NFIA: variants seen among roughly 807,000 people sequenced by gnomAD.
The protein encoded by NFIA is nuclear factor 1 A-type.
A neutral mutation model predicts 62.8 loss-of-function variants in NFIA; 8 were observed. The ratio of observed to expected loss-of-function variants is 0.13; its 90% confidence interval spans 0.07 to 0.23. The LOEUF is 0.23. Among genes scored for constraint, NFIA ranks in the 10% least tolerant of loss-of-function variants. The pLI is 1.00. For synonymous variants in NFIA, 235 were observed against 238.1 expected, an observed-to-expected ratio of 0.99 and a Z score of 0.12; for missense variants, 410 against 642.1, an observed-to-expected ratio of 0.64 and a Z score of 3.91.
intron 7 of NFIA, among the ~76,000 whole-genome samples, chr1:61,391,800 G>A (rs1017230558): frequency 6.6e-6 from 1 of 152,114 alleles, no homozygotes; most frequent in Non-Finnish European, 1.5e-5. Context: ...AAACTTCTTT[G>A]CCTCTTAGGA....
At chr1:61,375,123 A>T (rs1041671786) in intron 6 of NFIA, among the ~76,000 whole-genome samples, 1 of 152,212 alleles carries the variant, frequency 6.6e-6, no homozygotes, top group African/African-American at 2.4e-5. Context: ...ATCTAATTAC[A>T]AGGTATACTT....
At chr1:61,330,574 T>G (rs1234158254) in intron 3 of NFIA, among the ~76,000 whole-genome samples, 3 of 151,966 alleles carry the variant, frequency 2.0e-5, no homozygotes, top group Admixed American at 2.0e-4. Flanking sequence ...GTAATTTGAA[T>G]GAATGAACGC....
At chr1:61,413,558 TG>T (rs914297103) in intron 9 of NFIA, among the ~76,000 whole-genome samples, 3 of 151,040 alleles carry the variant, frequency 2.0e-5, no homozygotes, top group African/African-American at 4.9e-5. Flanking sequence ...TTTCTGATTC[TG>T]GGGGGAACCA....
At chr1:61,083,404 TTTTG>T (rs970364138) in intron 1 of NFIA, among the ~76,000 whole-genome samples, 3 of 152,074 alleles carry the variant, frequency 2.0e-5, no homozygotes, top group Non-Finnish European at 4.4e-5. Flanking sequence ...GAACTCTTAC[TTTTG>T]TTTATTGTTT....
intron 2 of NFIA, among the ~76,000 whole-genome samples, chr1:61,108,582 A>G (rs1646643622): frequency 6.6e-6 from 1 of 151,566 alleles, no homozygotes; most frequent in South Asian, 2.1e-4. Context: ...TACCCTTCTC[A>G]TTGCACTGAG....
chr1:61,304,000 C>T (rs1027595068), intron 3 of NFIA, among the ~76,000 whole-genome samples: 1 of 151,082 alleles, frequency 6.6e-6, no homozygotes, highest in Non-Finnish European at 1.5e-5. Context: ...ATTGGCCGGG[C>T]GCGGTGGCTC....
chr1:61,201,408 C>A (rs1043216113), intron 2 of NFIA, among the ~76,000 whole-genome samples: 1 of 151,224 alleles, frequency 6.6e-6, no homozygotes, highest in Admixed American at 6.6e-5. Context: ...TGTTTGAGTC[C>A]TTGTGTATTT....
At chr1:61,442,142 A>AGG (rs1206559615) in intron 10 of NFIA, among the ~76,000 whole-genome samples, 1 of 152,126 alleles carries the variant, frequency 6.6e-6, no homozygotes, top group African/African-American at 2.4e-5. Context: ...AGCCCTGACG[A>AGG]GGGATGCCAG....
chr1:61,408,938 G>C (rs1665976358), intron 9 of NFIA, among the ~76,000 whole-genome samples: 1 of 152,162 alleles, frequency 6.6e-6, no homozygotes, highest in Admixed American at 6.5e-5. Context: ...GTAGGACTTG[G>C]AGAAGCTACT....
intron 5 of NFIA, among the ~76,000 whole-genome samples, chr1:61,358,386 T>C (rs1475441024): frequency 6.1e-5 from 8 of 131,264 alleles, no homozygotes; most frequent in Admixed American, 2.3e-4. Flanking sequence ...TTTCTTTTTT[T>C]TTTTTTTTTT....
At chr1:61,098,287 G>A (rs113419220) in intron 2 of NFIA, among the ~76,000 whole-genome samples, 4 of 152,146 alleles carry the variant, frequency 2.6e-5, no homozygotes, top group African/African-American at 7.2e-5. Flanking sequence ...GAGAACTAAC[G>A]ATAAGTGGGT....
chr1:61,203,118 C>T (rs1557634100), intron 2 of NFIA, among the ~76,000 whole-genome samples: 1 of 152,206 alleles, frequency 6.6e-6, no homozygotes, highest in Non-Finnish European at 1.5e-5. Context: ...GGTGCGAGAG[C>T]TTAACCTTTA....
intron 2 of NFIA, among the ~76,000 whole-genome samples, chr1:61,221,166 A>C (rs991392120): frequency 2.6e-5 from 4 of 152,228 alleles, no homozygotes; most frequent in African/African-American, 9.6e-5. Flanking sequence ...TGTTGTGTTC[A>C]AATAATACTA....
intron 2 of NFIA, among the ~76,000 whole-genome samples, chr1:61,209,597 G>A (rs1426256123): frequency 6.6e-6 from 1 of 152,014 alleles, no homozygotes; most frequent in Non-Finnish European, 1.5e-5. Context: ...GCTGAGGCGG[G>A]TGGATCACCT....
At chr1:61,451,036 A>G (rs1668033079) in intron 10 of NFIA, among the ~76,000 whole-genome samples, 1 of 151,930 alleles carries the variant, frequency 6.6e-6, no homozygotes, top group Admixed American at 6.6e-5. Flanking sequence ...CCCCATGACC[A>G]CATTTTGGAA....
chr1:61,408,928 G>T (rs1665975742), intron 9 of NFIA, among the ~76,000 whole-genome samples: 2 of 152,216 alleles, frequency 1.3e-5, no homozygotes, highest in Non-Finnish European at 2.9e-5. Context: ...AAATATATCT[G>T]TAGGACTTGG....
At chr1:61,321,521 T>A (rs1660679278) in intron 3 of NFIA, among the ~76,000 whole-genome samples, 1 of 152,104 alleles carries the variant, frequency 6.6e-6, no homozygotes, top group Non-Finnish European at 1.5e-5. Flanking sequence ...TGTCTTCAGA[T>A]ATTTGAAGGA....
intron 2 of NFIA, among the ~76,000 whole-genome samples, chr1:61,148,140 A>T (rs931727214): frequency 6.6e-6 from 1 of 152,162 alleles, no homozygotes; most frequent in Non-Finnish European, 1.5e-5. Context: ...CCATCTTGGT[A>T]TCTCCAGGGC....
intron 3 of NFIA, among the ~76,000 whole-genome samples, chr1:61,279,362 A>T: frequency 6.6e-6 from 1 of 151,140 alleles, no homozygotes. Flanking sequence ...TTTTGGTGAT[A>T]TTTTCTTTAT....
Sources: gnomAD v4.1 joint callset for allele counts (sites outside exome capture counted in the v4.1 genomes callset) on GRCh38, gnomAD v4.1.1 for gene constraint, MANE v1.5 for transcripts, NCBI Gene and HGNC (gene_info 2026-07-23, HGNC 2026-07-21) for gene names.